ATXN10: variants seen among roughly 807,000 people sequenced by gnomAD.
The protein encoded by ATXN10 is ataxin 10, also known as ataxin-10.
In ATXN10, 28 loss-of-function variants were observed where a neutral mutation model predicts 52.9. That is an observed-to-expected ratio of 0.53 (90% confidence interval 0.39 to 0.73). ATXN10 has a LOEUF of 0.73. Among genes scored for constraint, ATXN10 ranks in the 30% least tolerant of loss-of-function variants. The probability of loss-of-function intolerance (pLI) is 0.00; values close to 1 mark genes in which losing one functional copy is unlikely to be tolerated. For synonymous variants in ATXN10, 226 were observed against 221.5 expected (o/e 1.02, Z -0.18); for missense variants, 565 against 577.0 (o/e 0.98, Z 0.21).
At chr22:45,710,595 TATCCAAAGCACCTAGAAC>T in intron 5 of ATXN10, among the ~76,000 whole-genome samples, 1 of 152,350 alleles carries the variant, frequency 6.6e-6, no homozygotes, top group Non-Finnish European at 1.5e-5. Context: ...GTCATCATTC[TATCCAAAGCACCTAGAAC>T]ATGTGTTGAC....
intron 9 of ATXN10, among the ~76,000 whole-genome samples, chr22:45,803,441 T>G (rs1318250610): frequency 1.3e-5 from 2 of 152,194 alleles, no homozygotes; most frequent in East Asian, 3.8e-4. Context: ...TAGGGAGGCC[T>G]TCTCTTGTGA....
chr22:45,725,620 T>C (rs1924838471), intron 6 of ATXN10, among the ~76,000 whole-genome samples: 1 of 152,140 alleles, frequency 6.6e-6, no homozygotes, highest in African/African-American at 2.4e-5. Context: ...ACAGAGATAG[T>C]TTGCCTTCCT....
In ATXN10 at chr22:45,784,892, T is replaced by A. The variant is rs940197939; in HGVS notation, c.1174-22067T>A. ...ATAATACAACAAGCAATTGAGATTCTGTCCATGAGTTAAAAATTAAAGACT... is the reference window on the plus strand; with the variant it reads ...ATAATACAACAAGCAATTGAGATTCAGTCCATGAGTTAAAAATTAAAGACT... On this transcript the variant is annotated intron_variant, in intron 9 of 11. Transcript: ENST00000252934. The surrounding 1 kb of genome is among the most constrained non-coding windows in gnomAD (Gnocchi z 4.2). 7.2e-5 allele frequency among the ~76,000 whole-genome samples: 11 copies of A among 152,366 alleles called. No homozygotes were observed. The highest frequency in any genetic ancestry group is 2.6e-4 in the African/African-American group (11 of 41,580).
intron 10 of ATXN10, among the ~76,000 whole-genome samples, chr22:45,813,836 A>G (rs759379097): frequency 6.6e-6 from 1 of 152,246 alleles, no homozygotes; most frequent in Non-Finnish European, 1.5e-5. Flanking sequence ...TAAGAAAGGT[A>G]AATTTTCGTC....
At chr22:45,808,824 C>T (rs1169745412) in intron 10 of ATXN10, among the ~76,000 whole-genome samples, 3 of 152,238 alleles carry the variant, frequency 2.0e-5, no homozygotes, top group South Asian at 4.2e-4. Context: ...CAAAGTTACA[C>T]ATGGAAAAAT....
At position 45,780,710 on chromosome 22, in the gene ATXN10, C is replaced by T. The variant is rs1927120046; in HGVS notation, c.1174-26249C>T. On this transcript the variant is annotated intron_variant, in intron 9 of 11. Transcript: ENST00000252934. This position sits in a 1 kb window ranked among gnomAD's most constrained non-coding sequence, Gnocchi z 4.0. ...TATCCTAATCTTCTGAAATTTAAAC[C>T]TGGATCAGTGACTTGTGTCTTCATT... Among the ~76,000 whole-genome samples the T allele has an allele frequency of 6.6e-6, 1 of 152,148 alleles. No individual in the cohort carries two copies. The highest frequency in any genetic ancestry group is 1.5e-5 in the Non-Finnish European group (1 of 68,024).
chr22:45,812,479 G>C (rs970642960), intron 10 of ATXN10, among the ~76,000 whole-genome samples: 12 of 152,094 alleles, frequency 7.9e-5, no homozygotes, highest in Non-Finnish European at 1.8e-4. Flanking sequence ...TATTTATCTG[G>C]GGGGAGAGGG....
intron 9 of ATXN10, among the ~76,000 whole-genome samples, chr22:45,778,027 A>G (rs536059942): frequency 5.0e-4 from 76 of 152,326 alleles, no homozygotes; most frequent in South Asian, 3.3e-3. Flanking sequence ...AATATTGCCT[A>G]TGGCCATTCT....
Position 45,759,460 on chromosome 22 carries a change from C to T in ATXN10, c.1173+18922C>T, listed in dbSNP as rs1926299084. Among the ~76,000 whole-genome samples the T allele has an allele frequency of 6.6e-6, 1 of 152,262 alleles. No homozygotes were observed. Among genetic ancestry groups the T allele is most frequent in the Non-Finnish European group, 1.5e-5 (1 of 68,024 alleles). ...TCGGGAGGCAGAGGTTGCAGTGAGC[C>T]GAGATAGCATCACTGCACTCCAGCC... On this transcript the variant is annotated intron_variant, in intron 9 of 11. Coordinates refer to ENST00000252934, the MANE Select transcript of ATXN10 (RefSeq NM_013236.4). The surrounding 1 kb of genome is among the most constrained non-coding windows in gnomAD (Gnocchi z 5.4).
At chr22:45,796,685 A>T (rs1927752094) in intron 9 of ATXN10, among the ~76,000 whole-genome samples, 1 of 152,186 alleles carries the variant, frequency 6.6e-6, no homozygotes, top group Non-Finnish European at 1.5e-5. Context: ...CCCCCGATAG[A>T]TGGGGTTTCA....
chr22:45,844,739 C>T lies in ATXN10; in HGVS notation c.*1068C>T, dbSNP rs1180731254. ...ATATTATTTTCTTCAACAACCATAT[C>T]GCTAAACTAATATATCCAGAGATTT... On this transcript the variant is annotated 3_prime_UTR_variant, in exon 12 of 12. Coordinates refer to ENST00000252934, the MANE Select transcript of ATXN10 (RefSeq NM_013236.4). 1 of 152,184 alleles carries T rather than the reference C, an allele frequency of 6.6e-6. No homozygotes were observed. Among genetic ancestry groups the T allele is most frequent in the Non-Finnish European group, 1.5e-5 (1 of 68,038 alleles). 9.4% of individuals were successfully genotyped at this position (152,184 alleles called of 1,614,324 possible).
At chr22:45,776,484 A>G (rs929952819) in intron 9 of ATXN10, among the ~76,000 whole-genome samples, 1 of 151,692 alleles carries the variant, frequency 6.6e-6, no homozygotes, top group Admixed American at 6.6e-5. Context: ...AGTTTTTCAT[A>G]TAATTTGCAC....
chr22:45,751,611 A>G (rs1035235243), intron 9 of ATXN10, among the ~76,000 whole-genome samples: 1 of 152,012 alleles, frequency 6.6e-6, no homozygotes, highest in Non-Finnish European at 1.5e-5. Flanking sequence ...CAGGATTTCT[A>G]TGACATATCT....
At chr22:45,741,509 A>G (rs546529065) in intron 9 of ATXN10, among the ~76,000 whole-genome samples, 2 of 152,106 alleles carry the variant, frequency 1.3e-5, no homozygotes, top group Non-Finnish European at 2.9e-5. Flanking sequence ...ATGAGGAGAG[A>G]GGAAAGGTCT....
rs577640978 is a variant in ATXN10 at position 45,816,483 on chromosome 22, G to T, written c.1237+9461G>T. On this transcript the variant is annotated intron_variant, in intron 10 of 11. Coordinates refer to ENST00000252934, the MANE Select transcript of ATXN10 (RefSeq NM_013236.4). This position sits in a 1 kb window ranked among gnomAD's most constrained non-coding sequence, Gnocchi z 5.8. ...ATTTGGCGTGTTATAGTTGGGTTGG[G>T]TGGCTGTGCCTCTCCCTGAACATGA... Among the ~76,000 whole-genome samples the T allele has an allele frequency of 3.3e-5, 5 of 152,216 alleles. No individual in the cohort carries two copies. The East Asian group carries it at 9.7e-4, about 29-fold the overall frequency.
chr22:45,788,248 G>C (rs943458044), intron 9 of ATXN10, among the ~76,000 whole-genome samples: 1 of 152,022 alleles, frequency 6.6e-6, no homozygotes, highest in Non-Finnish European at 1.5e-5. Context: ...TGTTTACTTA[G>C]GTGTCTCGTC....
chr22:45,704,323 C>A (rs865814390), intron 5 of ATXN10, among the ~76,000 whole-genome samples: 289 of 149,598 alleles, frequency 1.9e-3, no homozygotes, highest in Middle Eastern at 6.8e-3. Context: ...AAAAAAAAAA[C>A]AGCTGGAATT....
At chr22:45,832,613 G>T (rs1368183293) in intron 10 of ATXN10, among the ~76,000 whole-genome samples, 1 of 152,222 alleles carries the variant, frequency 6.6e-6, no homozygotes, top group East Asian at 1.9e-4. Context: ...TGTCTTACCA[G>T]TATTGAGCAT....
At chr22:45,827,054 T>C (rs1436449518) in intron 10 of ATXN10, among the ~76,000 whole-genome samples, 2 of 152,036 alleles carry the variant, frequency 1.3e-5, no homozygotes, top group Admixed American at 6.5e-5. Flanking sequence ...TTTTGGATGT[T>C]ACTGAAGTAA....
Sources: allele counts gnomAD v4.1 joint callset (sites outside exome capture counted in the v4.1 genomes callset), GRCh38; gene constraint gnomAD v4.1.1; non-coding constraint Gnocchi (gnomAD v3.1); transcripts MANE v1.5; gene names NCBI Gene and HGNC (gene_info 2026-07-23, HGNC 2026-07-21).